ABLIM1: variants seen among roughly 807,000 people sequenced by gnomAD.
The protein encoded by ABLIM1 is actin binding LIM protein 1, also known as actin-binding LIM protein 1.
ABLIM1 carries 40 observed loss-of-function variants against 107.0 expected under a neutral mutation model. The ratio of observed to expected loss-of-function variants is 0.37; its 90% CI spans 0.29 to 0.49. The LOEUF is 0.49. Among genes scored for constraint, ABLIM1 ranks in the 20% least tolerant of loss-of-function variants. The pLI, the probability that ABLIM1 is intolerant of heterozygous loss-of-function variation, is 0.97. For synonymous variants in ABLIM1, 357 were observed against 357.3 expected, an observed-to-expected ratio of 1.00 and a Z score of 0.01; for missense variants, 857 against 1,008.5, an observed-to-expected ratio of 0.85 and a Z score of 2.04.
intron 12 of ABLIM1, among the ~76,000 whole-genome samples, chr10:114,460,305 C>T (rs1231038063): frequency 1.3e-5 from 2 of 152,048 alleles, no homozygotes; most frequent in Non-Finnish European, 2.9e-5. Context: ...ATGATGGCAT[C>T]AAAAATGATT....
intron 1 of ABLIM1, among the ~76,000 whole-genome samples, chr10:114,614,881 T>C (rs1184374963): frequency 6.6e-6 from 1 of 151,732 alleles, no homozygotes; most frequent in Non-Finnish European, 1.5e-5. Context: ...AGAAACCCCA[T>C]CTCTACTAAA....
chr10:114,798,502 C>A, the ABLIM1 span, among the ~76,000 whole-genome samples: 1 of 149,100 alleles, frequency 6.7e-6, no homozygotes, highest in Non-Finnish European at 1.5e-5. Context: ...GAAGCTGAGG[C>A]AGGAGGATTG....
At chr10:114,569,486 AT>A (rs2071332074) in intron 4 of ABLIM1, among the ~76,000 whole-genome samples, 1 of 151,852 alleles carries the variant, frequency 6.6e-6, no homozygotes, top group African/African-American at 2.4e-5. Context: ...CGCTCGGCTA[AT>A]TTTTGTATTT....
At chr10:114,533,438 A>G (rs1438712621) in intron 6 of ABLIM1, among the ~76,000 whole-genome samples, 2 of 152,238 alleles carry the variant, frequency 1.3e-5, no homozygotes, top group African/African-American at 4.8e-5. Flanking sequence ...AGTACAATCA[A>G]ATCACATGCT....
intron 10 of ABLIM1, 78 bp from the exon 11 acceptor site, chr10:114,468,294 A>C: frequency 1.4e-6 from 2 of 1,379,666 alleles, no homozygotes; most frequent in Non-Finnish European, 2.1e-6. Context: ...TGTTTGTTTG[A>C]GATGGAGTCT....
chr10:114,762,521 G>A (rs1485442234), intron 1 of ABLIM1, among the ~76,000 whole-genome samples: 2 of 152,206 alleles, frequency 1.3e-5, no homozygotes, highest in African/African-American at 4.8e-5. Flanking sequence ...TAGGGATTAA[G>A]TGGACATTTT....
chr10:114,731,017 T>C (rs892349732), intron 1 of ABLIM1, among the ~76,000 whole-genome samples: 6 of 152,234 alleles, frequency 3.9e-5, no homozygotes, highest in Non-Finnish European at 8.8e-5. Flanking sequence ...TGTTGAATAA[T>C]ATACCATTGT....
At chr10:114,558,881 C>G (rs1565930246) in intron 4 of ABLIM1, among the ~76,000 whole-genome samples, 1 of 136,444 alleles carries the variant, frequency 7.3e-6, no homozygotes, top group Non-Finnish European at 1.5e-5. Flanking sequence ...TTTAAGGTTT[C>G]AGGTCCTGTC....
At chr10:114,679,405 C>T (rs1273265084) in intron 1 of ABLIM1, among the ~76,000 whole-genome samples, 4 of 152,026 alleles carry the variant, frequency 2.6e-5, no homozygotes, top group Non-Finnish European at 4.4e-5. Context: ...GAGGCCTAGG[C>T]GGGTGGATCA....
intron 2 of ABLIM1, chr10:114,601,611 T>C (rs2076009468): frequency 1.4e-6 from 1 of 710,704 alleles, no homozygotes; most frequent in African/African-American, 1.7e-5. Flanking sequence ...GGGGCCTCAG[T>C]GAGCACCCAA....
In ABLIM1 at chr10:114,606,425, G is replaced by C. The variant is rs550969279; in HGVS notation, c.245-4464C>G. ...TAATTTTTGTATTTTTAGTAGAGATGGAGTTTCCCCATGTTGGCCAGGATG... is the reference window on the plus strand; with the variant it reads ...TAATTTTTGTATTTTTAGTAGAGATCGAGTTTCCCCATGTTGGCCAGGATG... On this transcript the variant is annotated intron_variant, in intron 1 of 22. Transcript: ENST00000533213. Among the ~76,000 whole-genome samples, 12 of 152,074 alleles carry C rather than the reference G, an allele frequency of 7.9e-5. No individual in the cohort carries two copies. The East Asian group carries it at 2.3e-3, about 29-fold the overall frequency.
chr10:114,559,378 G>C (rs1376707513), intron 4 of ABLIM1, among the ~76,000 whole-genome samples: 1 of 136,090 alleles, frequency 7.3e-6, no homozygotes, highest in Admixed American at 8.2e-5. Flanking sequence ...TGAGGTGGGA[G>C]GATTACTTGA....
intron 2 of ABLIM1, among the ~76,000 whole-genome samples, chr10:114,585,233 C>T (rs951670333): frequency 1.1e-4 from 17 of 152,138 alleles, no homozygotes; most frequent in African/African-American, 2.2e-4. Context: ...GTTTTATTAA[C>T]GTCTACATTC....
intron 1 of ABLIM1, among the ~76,000 whole-genome samples, chr10:114,698,290 TA>T (rs1466380923): frequency 6.7e-6 from 1 of 150,320 alleles, no homozygotes; most frequent in African/African-American, 2.4e-5. Context: ...AAAGAGAGTT[TA>T]CAGAAATAAA....
chr10:114,616,613 G>A (rs2077146323), intron 1 of ABLIM1, among the ~76,000 whole-genome samples: 1 of 152,200 alleles, frequency 6.6e-6, no homozygotes, highest in African/African-American at 2.4e-5. Context: ...TAGGCAAGCT[G>A]GAAGACACTG....
At chr10:114,679,177 AAG>A (rs1186338296) in intron 1 of ABLIM1, among the ~76,000 whole-genome samples, 2 of 152,330 alleles carry the variant, frequency 1.3e-5, no homozygotes, top group African/African-American at 2.4e-5. Flanking sequence ...GAAAGAAAGA[AAG>A]AGAAAGAAAG....
intron 1 of ABLIM1, among the ~76,000 whole-genome samples, chr10:114,631,560 G>A (rs1361259881): frequency 6.6e-6 from 1 of 152,098 alleles, no homozygotes; most frequent in Non-Finnish European, 1.5e-5. Flanking sequence ...TTGGTGGGGC[G>A]TGGTGGTAAG....
chr10:114,651,343 A>T (rs6585291), intron 1 of ABLIM1, among the ~76,000 whole-genome samples: 4,014 of 152,244 alleles, frequency 0.026, 151 homozygotes, highest in African/African-American at 0.085. Flanking sequence ...TTGAACAAAG[A>T]TGTGCAGAGG....
intron 19 of ABLIM1, 27 bp from the exon 20 acceptor site, chr10:114,440,116 CA>C (rs1347370996): frequency 1.3e-6 from 2 of 1,598,904 alleles, no homozygotes; most frequent in Non-Finnish European, 1.7e-6. Context: ...AAGAAAATAT[CA>C]TAAGGGAAAG....
Sources: allele counts gnomAD v4.1 joint callset (sites outside exome capture counted in the v4.1 genomes callset), GRCh38; gene constraint gnomAD v4.1.1; transcripts MANE v1.5; gene names NCBI Gene and HGNC (gene_info 2026-07-23, HGNC 2026-07-21).